Variants in CTNNA3 observed in about 807,000 individuals in gnomAD.
CTNNA3 encodes the protein catenin alpha 3.
CTNNA3 carries 76 observed loss-of-function variants against 95.7 expected under a neutral mutation model. That is an observed-to-expected ratio of 0.79 (90% CI 0.66 to 0.96). The LOEUF (loss-of-function observed/expected upper bound fraction) is 0.96, where lower values mean the gene tolerates loss of function less well. Among genes scored for constraint, CTNNA3 ranks in the 40% least tolerant of loss-of-function variants. The pLI, the probability that CTNNA3 is intolerant of heterozygous loss-of-function variation, is 0.00. For missense variants in CTNNA3, 1,191 were observed against 1,089.8 expected (o/e 1.09, Z -1.31); for synonymous variants, 431 against 374.4 (o/e 1.15, Z -1.74).
chr10:66,444,925 A>C (rs559209611), intron 11 of CTNNA3, among the ~76,000 whole-genome samples: 1 of 152,152 alleles, frequency 6.6e-6, no homozygotes, highest in South Asian at 2.1e-4. Context: ...TATTCAGGAA[A>C]CCCATCTCAC....
chr10:66,359,188 G>A (rs186055761), intron 12 of CTNNA3, among the ~76,000 whole-genome samples: 1 of 152,284 alleles, frequency 6.6e-6, no homozygotes, highest in African/African-American at 2.4e-5. Flanking sequence ...ACACTTATAT[G>A]ATGAGAAGCT....
chr10:67,134,179 T>C (rs538399882), intron 7 of CTNNA3, among the ~76,000 whole-genome samples: 7 of 152,274 alleles, frequency 4.6e-5, no homozygotes, highest in Middle Eastern at 3.4e-3. Flanking sequence ...GAGCAAAGAT[T>C]ACTTGAAGTA....
At chr10:67,498,986 T>C (rs1839137568) in intron 5 of CTNNA3, among the ~76,000 whole-genome samples, 1 of 152,208 alleles carries the variant, frequency 6.6e-6, no homozygotes, top group Admixed American at 6.5e-5. Flanking sequence ...ATAGGAGTGG[T>C]GAGAGAGGGC....
intron 17 of CTNNA3, among the ~76,000 whole-genome samples, chr10:65,956,668 G>T (rs2077738057): frequency 6.6e-6 from 1 of 152,172 alleles, no homozygotes; most frequent in Non-Finnish European, 1.5e-5. Context: ...CCAGGAGCAG[G>T]TTGCTCAGTA....
intron 17 of CTNNA3, among the ~76,000 whole-genome samples, chr10:65,960,421 A>C (rs375405416): frequency 1.7e-3 from 262 of 152,244 alleles, no homozygotes; most frequent in African/African-American, 6.0e-3. Context: ...CCTACTCGGT[A>C]GGCTGAGGCA....
chr10:67,255,847 A>G (rs1866328030), intron 5 of CTNNA3, among the ~76,000 whole-genome samples: 1 of 152,172 alleles, frequency 6.6e-6, no homozygotes, highest in East Asian at 1.9e-4. Flanking sequence ...AATCTAAGAA[A>G]ACAATGGCTT....
At chr10:66,835,999 C>G (rs1286154871) in intron 7 of CTNNA3, among the ~76,000 whole-genome samples, 1 of 151,762 alleles carries the variant, frequency 6.6e-6, no homozygotes, top group East Asian at 1.9e-4. Flanking sequence ...AAAAAAAAAA[C>G]AATTAAATTA....
rs71474007 is a variant in CTNNA3 at position 66,024,085 on chromosome 10, A to ATT, written c.2160-35290_2160-35289dup. ...TATCACAGAAACTTATACCATACAC[A>ATT]TTTTTTTTTTTTTTTTTTTTTTGAG... On this transcript the variant is annotated intron_variant, in intron 15 of 17. Transcript: ENST00000433211. Among the ~76,000 whole-genome samples the ATT allele has an allele frequency of 2.6e-3, 226 of 87,726 alleles. 15 individuals are homozygous for ATT. Among genetic ancestry groups the ATT allele is most frequent in the African/African-American group, 5.6e-3 (130 of 23,106 alleles). 57.6% of individuals were successfully genotyped at this position (87,726 alleles called of 152,430 possible).
intron 7 of CTNNA3, among the ~76,000 whole-genome samples, chr10:67,115,021 C>A (rs891209294): frequency 6.6e-6 from 1 of 152,126 alleles, no homozygotes; most frequent in South Asian, 2.1e-4. Flanking sequence ...TTGTCGTATG[C>A]CATTTGTGTC....
intron 3 of CTNNA3, among the ~76,000 whole-genome samples, chr10:67,557,324 T>C (rs1841294751): frequency 6.6e-6 from 1 of 152,186 alleles, no homozygotes; most frequent in Admixed American, 6.5e-5. Flanking sequence ...TAGAACCCCA[T>C]TGGTAAGATT....
chr10:67,216,428 C>T (rs970129793), intron 6 of CTNNA3, among the ~76,000 whole-genome samples: 2 of 152,272 alleles, frequency 1.3e-5, no homozygotes, highest in East Asian at 3.9e-4. Flanking sequence ...CCCCCAAATA[C>T]ATCCACTTTC....
chr10:66,850,791 T>G (rs1843457520), intron 7 of CTNNA3, among the ~76,000 whole-genome samples: 1 of 152,152 alleles, frequency 6.6e-6, no homozygotes, highest in South Asian at 2.1e-4. Flanking sequence ...AAAATAAATC[T>G]TGCTTTCTCA....
At chr10:66,772,005 G>C (rs979389260) in intron 8 of CTNNA3, among the ~76,000 whole-genome samples, 15 of 141,474 alleles carry the variant, frequency 1.1e-4, no homozygotes, top group African/African-American at 1.4e-4. Context: ...AGTTGGGGTT[G>C]TGTGTAAGGA....
At chr10:67,314,407 T>C (rs1056864768) in intron 5 of CTNNA3, among the ~76,000 whole-genome samples, 2 of 152,170 alleles carry the variant, frequency 1.3e-5, no homozygotes, top group Non-Finnish European at 2.9e-5. Flanking sequence ...AGAGAAGCAA[T>C]CATTCGTGTG....
chr10:66,224,988 T>A (rs975853456), intron 13 of CTNNA3, among the ~76,000 whole-genome samples: 1 of 152,082 alleles, frequency 6.6e-6, no homozygotes, highest in Non-Finnish European at 1.5e-5. Context: ...AATGATGAAA[T>A]CAGAATAATT....
intron 5 of CTNNA3, among the ~76,000 whole-genome samples, chr10:67,482,926 A>G (rs1488484193): frequency 2.0e-5 from 3 of 152,188 alleles, no homozygotes; most frequent in Admixed American, 1.3e-4. Flanking sequence ...ACGTCCCATC[A>G]ATAAACAACC....
chr10:66,134,516 G>A (rs1002878411), intron 13 of CTNNA3, among the ~76,000 whole-genome samples: 1 of 152,102 alleles, frequency 6.6e-6, no homozygotes, highest in Non-Finnish European at 1.5e-5. Context: ...TGATATTCAA[G>A]ATGTTCAATT....
chr10:66,537,091 G>A (rs1301568070), intron 10 of CTNNA3, among the ~76,000 whole-genome samples: 1 of 151,950 alleles, frequency 6.6e-6, no homozygotes, highest in Non-Finnish European at 1.5e-5. Flanking sequence ...AACTATGGGT[G>A]GCTCATTTAG....
chr10:66,240,711 A>C (rs1306014173), intron 13 of CTNNA3, among the ~76,000 whole-genome samples: 1 of 152,068 alleles, frequency 6.6e-6, no homozygotes, highest in East Asian at 1.9e-4. Context: ...ACATCAAGCT[A>C]AAAATGAAGA....
Sources: allele counts gnomAD v4.1 joint callset (sites outside exome capture counted in the v4.1 genomes callset), GRCh38; gene constraint gnomAD v4.1.1; transcripts MANE v1.5; gene names NCBI Gene and HGNC (gene_info 2026-07-23, HGNC 2026-07-21).